SH3GL2: variants seen among roughly 807,000 people sequenced by gnomAD.
SH3GL2 encodes the protein SH3 domain containing GRB2 like 2, endophilin A1.
SH3GL2 carries 24 observed loss-of-function variants against 46.0 expected under a neutral mutation model. That is an observed-to-expected ratio of 0.52 (90% CI 0.38 to 0.73). The LOEUF (loss-of-function observed/expected upper bound fraction) is 0.73, where lower values mean the gene tolerates loss of function less well. SH3GL2 is among the 30% of genes least tolerant of loss of function. SH3GL2 has a pLI of 0.00. For synonymous variants in SH3GL2, 196 were observed against 147.1 expected, an observed-to-expected ratio of 1.33 and a Z score of -2.40; for missense variants, 413 against 424.2, an observed-to-expected ratio of 0.97 and a Z score of 0.23.
At chr9:17,764,207 G>C (rs1016350550) in intron 3 of SH3GL2, among the ~76,000 whole-genome samples, 1 of 152,156 alleles carries the variant, frequency 6.6e-6, no homozygotes, top group African/African-American at 2.4e-5. Context: ...ATATGAGTAA[G>C]TACTACCCAG....
chr9:17,687,807 G>A (rs1456241875), intron 1 of SH3GL2, among the ~76,000 whole-genome samples: 2 of 152,042 alleles, frequency 1.3e-5, no homozygotes, highest in African/African-American at 2.4e-5. Flanking sequence ...TCTCAAGGCA[G>A]TATGGGGAAA....
intron 1 of SH3GL2, among the ~76,000 whole-genome samples, chr9:17,713,985 C>T (rs1013477339): frequency 2.6e-5 from 4 of 151,630 alleles, no homozygotes; most frequent in Non-Finnish European, 4.4e-5. Context: ...CTGAAATCCT[C>T]AACTTTAATT....
chr9:17,694,932 C>T (rs768275446), intron 1 of SH3GL2, among the ~76,000 whole-genome samples: 3 of 148,854 alleles, frequency 2.0e-5, no homozygotes, highest in Non-Finnish European at 4.6e-5. Context: ...TTAGGTGATA[C>T]CTTGCACAGC....
At chr9:17,691,437 T>A (rs1821074850) in intron 1 of SH3GL2, among the ~76,000 whole-genome samples, 1 of 152,188 alleles carries the variant, frequency 6.6e-6, no homozygotes, top group African/African-American at 2.4e-5. Context: ...TAGAAAAACG[T>A]ACTTAGGACA....
At chr9:17,661,343 G>C (rs970929160) in intron 1 of SH3GL2, among the ~76,000 whole-genome samples, 6 of 152,126 alleles carry the variant, frequency 3.9e-5, no homozygotes, top group African/African-American at 1.4e-4. Context: ...TATGATGGAT[G>C]ACAGGCCCAG....
intron 1 of SH3GL2, among the ~76,000 whole-genome samples, chr9:17,625,712 A>C (rs1819266165): frequency 6.6e-6 from 1 of 152,196 alleles, no homozygotes; most frequent in Admixed American, 6.5e-5. Flanking sequence ...GAAGAAGAAA[A>C]GTAAGCCCTG....
chr9:17,602,098 TG>T (rs1183241054), intron 1 of SH3GL2, among the ~76,000 whole-genome samples: 18 of 152,338 alleles, frequency 1.2e-4, no homozygotes, highest in African/African-American at 4.3e-4. Flanking sequence ...CTCTATTTAT[TG>T]GGTTCTATGA....
chr9:17,592,798 A>T (rs1216006930), intron 1 of SH3GL2, among the ~76,000 whole-genome samples: 4 of 152,144 alleles, frequency 2.6e-5, no homozygotes, highest in South Asian at 2.1e-4. Flanking sequence ...CTGCTACGAG[A>T]TGACCAGTGG....
At chr9:17,705,457 C>G (rs994960399) in intron 1 of SH3GL2, among the ~76,000 whole-genome samples, 1 of 150,844 alleles carries the variant, frequency 6.6e-6, no homozygotes, top group Non-Finnish European at 1.5e-5. Flanking sequence ...TTCAGCACAG[C>G]AGTATTCACA....
At chr9:17,713,629 C>T (rs571575181) in intron 1 of SH3GL2, among the ~76,000 whole-genome samples, 1 of 151,500 alleles carries the variant, frequency 6.6e-6, no homozygotes, top group East Asian at 1.9e-4. Context: ...CTTTTGATTT[C>T]TTTATTAACC....
chr9:17,669,313 G>T (rs900141923), intron 1 of SH3GL2, among the ~76,000 whole-genome samples: 1 of 151,880 alleles, frequency 6.6e-6, no homozygotes, highest in Non-Finnish European at 1.5e-5. Context: ...TATTTACTTC[G>T]GTGCCATTCT....
intron 1 of SH3GL2, among the ~76,000 whole-genome samples, chr9:17,659,605 T>TA (rs1173512204): frequency 3.9e-5 from 6 of 152,202 alleles, no homozygotes; most frequent in Admixed American, 3.9e-4. Context: ...GTGTTGTACT[T>TA]ACACGCTCTC....
At chr9:17,587,788 A>G (rs1241903048) in intron 1 of SH3GL2, among the ~76,000 whole-genome samples, 3 of 151,890 alleles carry the variant, frequency 2.0e-5, no homozygotes, top group Non-Finnish European at 4.4e-5. Context: ...TGAAGCTTGA[A>G]CCTGGGAGAG....
chr9:17,683,130 G>A (rs1370183382), intron 1 of SH3GL2, among the ~76,000 whole-genome samples: 2 of 152,040 alleles, frequency 1.3e-5, no homozygotes, highest in African/African-American at 4.8e-5. Flanking sequence ...TGCTGATGCT[G>A]ATGTCACATA....
rs570356854 is a variant in SH3GL2, at chr9:17,786,277, C to G, written c.188-104C>G. On this transcript the variant is annotated intron_variant, in intron 3 of 8. Transcript: ENST00000380607. Reference sequence around the variant, plus strand: ...GTACTGAAGGTACACTTATCAGTAGCTGAGCTACTTTGTAGGCTGCTCTGA... The same window carrying G: ...GTACTGAAGGTACACTTATCAGTAGGTGAGCTACTTTGTAGGCTGCTCTGA... 28 of 1,043,242 alleles carry G rather than the reference C, an allele frequency of 2.7e-5. No homozygotes were observed. The South Asian group carries it at 4.5e-4, about 17-fold the overall frequency. 64.6% of individuals were successfully genotyped at this position (1,043,242 alleles called of 1,614,324 possible).
chr9:17,712,481 G>A (rs1821652766), intron 1 of SH3GL2, among the ~76,000 whole-genome samples: 1 of 151,664 alleles, frequency 6.6e-6, no homozygotes, highest in African/African-American at 2.4e-5. Context: ...TGCTAATTTT[G>A]TATATTACTG....
intron 2 of SH3GL2, among the ~76,000 whole-genome samples, chr9:17,749,504 T>C (rs961998257): frequency 6.6e-6 from 1 of 152,192 alleles, no homozygotes; most frequent in Non-Finnish European, 1.5e-5. Context: ...TGTCATGTCA[T>C]TAATGAAAGA....
chr9:17,691,202 T>G lies in SH3GL2; in HGVS notation c.46-55864T>G, dbSNP rs571176141. Reference sequence around the variant, plus strand: ...GGGGTGACTGAGTGTTTTTCATTGTTTATTTCCTGTTCCAGTTGTTGCTTT... The same window carrying G: ...GGGGTGACTGAGTGTTTTTCATTGTGTATTTCCTGTTCCAGTTGTTGCTTT... On this transcript the variant is annotated intron_variant, in intron 1 of 8. Coordinates refer to ENST00000380607, the MANE Select transcript of SH3GL2 (RefSeq NM_003026.5). Among the ~76,000 whole-genome samples the G allele has an allele frequency of 5.3e-5, 8 of 152,256 alleles. No individual in the cohort carries two copies. The South Asian group carries it at 1.7e-3, about 32-fold the overall frequency.
At chr9:17,748,589 T>C (rs1015288676) in intron 2 of SH3GL2, among the ~76,000 whole-genome samples, 3 of 152,170 alleles carry the variant, frequency 2.0e-5, no homozygotes, top group Admixed American at 6.6e-5. Context: ...CTAGGTACTT[T>C]CTACCTTGTC....
Sources: allele counts gnomAD v4.1 joint callset (sites outside exome capture counted in the v4.1 genomes callset), GRCh38; gene constraint gnomAD v4.1.1; transcripts MANE v1.5; gene names NCBI Gene and HGNC (gene_info 2026-07-23, HGNC 2026-07-21).